The following LINGO2 variants were observed in gnomAD, a reference collection of about 807,000 sequenced individuals.
LINGO2 encodes the protein leucine rich repeat and Ig domain containing 2, also known as leucine-rich repeat and immunoglobulin-like domain-containing nogo receptor-interacting protein 2.
In LINGO2, 14 loss-of-function variants were observed where a neutral mutation model predicts 30.6. The ratio of observed to expected loss-of-function variants is 0.46; its 90% CI spans 0.30 to 0.72. LINGO2 has a LOEUF of 0.72. Ranked by LOEUF, LINGO2 falls within the 30% of genes least tolerant of loss-of-function variation. LINGO2 has a pLI of 0.07. For synonymous variants in LINGO2, 317 were observed against 288.5 expected, an observed-to-expected ratio of 1.10 and a Z score of -1.00; for missense variants, 729 against 751.7, an observed-to-expected ratio of 0.97 and a Z score of 0.35.
the LINGO2 span, among the ~76,000 whole-genome samples, chr9:28,925,767 G>C: frequency 6.6e-6 from 1 of 152,166 alleles, no homozygotes; most frequent in South Asian, 2.1e-4. Context: ...CTGTTCTCAA[G>C]TCAGCTATAG....
At chr9:28,817,053 T>C in the LINGO2 span, among the ~76,000 whole-genome samples, 1 of 152,212 alleles carries the variant, frequency 6.6e-6, no homozygotes, top group Non-Finnish European at 1.5e-5. Context: ...TTACCTAGCA[T>C]GGCAATATGG....
chr9:28,915,895 G>T, the LINGO2 span, among the ~76,000 whole-genome samples: 1 of 152,166 alleles, frequency 6.6e-6, no homozygotes, highest in African/African-American at 2.4e-5. Flanking sequence ...TTCTGCTAAT[G>T]TCTCAAGATA....
chr9:29,179,948 T>C, the LINGO2 span, among the ~76,000 whole-genome samples: 1 of 152,180 alleles, frequency 6.6e-6, no homozygotes, highest in Non-Finnish European at 1.5e-5. Context: ...TAAAATTCAA[T>C]TAGCAGTTAA....
chr9:29,133,678 T>C, the LINGO2 span, among the ~76,000 whole-genome samples: 1 of 152,108 alleles, frequency 6.6e-6, no homozygotes, highest in Non-Finnish European at 1.5e-5. Context: ...GCAACAATAG[T>C]GAAACATTTG....
the LINGO2 span, among the ~76,000 whole-genome samples, chr9:28,933,475 G>A: frequency 6.6e-6 from 1 of 151,396 alleles, no homozygotes; most frequent in Non-Finnish European, 1.5e-5. Context: ...TTTTCCCGGA[G>A]CTTTCAGATT....
At chr9:28,215,897 C>T (rs934755142) in intron 4 of LINGO2, among the ~76,000 whole-genome samples, 8 of 151,656 alleles carry the variant, frequency 5.3e-5, no homozygotes, top group Admixed American at 5.3e-4. Flanking sequence ...TTCATGTAGC[C>T]CAGAGAAAGA....
chr9:28,838,223 A>G, the LINGO2 span, among the ~76,000 whole-genome samples: 1 of 152,328 alleles, frequency 6.6e-6, no homozygotes, highest in Middle Eastern at 3.4e-3. Context: ...AGAAGCAGAT[A>G]TGAGAGTCCA....
intron 4 of LINGO2, among the ~76,000 whole-genome samples, chr9:28,172,377 C>T (rs1182276707): frequency 6.8e-6 from 1 of 147,744 alleles, no homozygotes; most frequent in Non-Finnish European, 1.5e-5. Flanking sequence ...GGCGACAGAG[C>T]GAGACTCCGT....
intron 4 of LINGO2, among the ~76,000 whole-genome samples, chr9:28,131,508 T>C (rs1350272343): frequency 6.6e-6 from 1 of 152,156 alleles, no homozygotes; most frequent in South Asian, 2.1e-4. Flanking sequence ...AATAAATATA[T>C]GCTTAATAAA....
At chr9:29,099,222 A>C in the LINGO2 span, among the ~76,000 whole-genome samples, 16 of 152,226 alleles carry the variant, frequency 1.1e-4, no homozygotes, top group African/African-American at 3.9e-4. Context: ...CACCACCTAC[A>C]GGGTGAAATC....
intron 2 of LINGO2, among the ~76,000 whole-genome samples, chr9:28,406,771 C>T (rs1587626397): frequency 6.6e-6 from 1 of 152,214 alleles, no homozygotes; most frequent in East Asian, 1.9e-4. Flanking sequence ...AAATATACAA[C>T]AAGGATAAAC....
chr9:29,054,360 G>A, the LINGO2 span, among the ~76,000 whole-genome samples: 2 of 152,166 alleles, frequency 1.3e-5, no homozygotes, highest in African/African-American at 2.4e-5. Context: ...TGTCTTAAGT[G>A]AATAATGGTA....
intron 3 of LINGO2, among the ~76,000 whole-genome samples, chr9:28,367,617 T>C (rs1160462814): frequency 1.4e-4 from 21 of 151,562 alleles, no homozygotes; most frequent in Admixed American, 1.3e-3. Flanking sequence ...TGGTCTATTC[T>C]GGCTCTTACG....
At chr9:28,106,110 C>T (rs972001533) in intron 4 of LINGO2, among the ~76,000 whole-genome samples, 16 of 152,048 alleles carry the variant, frequency 1.1e-4, no homozygotes, top group Admixed American at 2.6e-4. Context: ...TTATGAGAAT[C>T]TAATTCCTGA....
chr9:28,380,276 G>A (rs1250281564), intron 2 of LINGO2, among the ~76,000 whole-genome samples: 2 of 151,972 alleles, frequency 1.3e-5, no homozygotes, highest in African/African-American at 2.4e-5. Context: ...ATAAGAAACA[G>A]TCTGTTTCTT....
the LINGO2 span, among the ~76,000 whole-genome samples, chr9:28,849,515 T>A: frequency 2.5e-4 from 38 of 152,076 alleles, 1 homozygote; most frequent in African/African-American, 9.2e-4. Context: ...TAGTAGGTCA[T>A]TGACTTTATA....
chr9:29,175,290 A>T, the LINGO2 span, among the ~76,000 whole-genome samples: 3 of 152,070 alleles, frequency 2.0e-5, no homozygotes, highest in Non-Finnish European at 4.4e-5. Flanking sequence ...AACATATCTC[A>T]GTGTTCATTA....
chr9:29,068,604 G>T, the LINGO2 span, among the ~76,000 whole-genome samples: 12 of 151,826 alleles, frequency 7.9e-5, no homozygotes, highest in African/African-American at 2.7e-4. Flanking sequence ...TGTGCAAATA[G>T]TGCTGGTTAA....
At chr9:29,078,694 A>G in the LINGO2 span, among the ~76,000 whole-genome samples, 1 of 151,936 alleles carries the variant, frequency 6.6e-6, no homozygotes, top group Admixed American at 6.6e-5. Flanking sequence ...CAAAATTATA[A>G]TTTATGTTCT....
Sources: gnomAD v4.1 joint callset for allele counts (sites outside exome capture counted in the v4.1 genomes callset) on GRCh38, gnomAD v4.1.1 for gene constraint, MANE v1.5 for transcripts, NCBI Gene and HGNC (gene_info 2026-07-23, HGNC 2026-07-21) for gene names.